Variants in GRAMD1B observed in about 807,000 individuals in gnomAD.
GRAMD1B encodes GRAM domain containing 1B, also known as protein Aster-B.
In GRAMD1B, 37 loss-of-function variants were observed where a neutral mutation model predicts 99.7. The observed-to-expected ratio is 0.37, with a 90% CI of 0.29 to 0.49. GRAMD1B has a LOEUF of 0.49. GRAMD1B is among the 20% of genes least tolerant of loss of function. The pLI, the probability that GRAMD1B is intolerant of heterozygous loss-of-function variation, is 0.98. For missense variants in GRAMD1B, 888 were observed against 1,009.2 expected, an observed-to-expected ratio of 0.88 and a Z score of 1.63; for synonymous variants, 427 against 387.6, an observed-to-expected ratio of 1.10 and a Z score of -1.19.
At chr11:123,358,853 G>A (rs556431702) in intron 1 of GRAMD1B, 25 of 152,562 alleles carry the variant, frequency 1.6e-4, no homozygotes, top group African/African-American at 5.8e-4. Context: ...TGGATGCCGA[G>A]TGATGGTGAG....
At chr11:123,507,430 T>G (rs1591748954) in intron 2 of GRAMD1B, among the ~76,000 whole-genome samples, 1 of 152,336 alleles carries the variant, frequency 6.6e-6, no homozygotes, top group South Asian at 2.1e-4. Context: ...TAAATTCCAC[T>G]ACTCTCATCC....
rs1955425386 is a variant in GRAMD1B at position 123,625,101 on chromosome 11, CA to C, written c.*2510del. Reference sequence around the variant, plus strand: ...ACCAACAACTCTATTCATTCCCAAACAAAATCTCTTCCCCCTTAGTCAATAG... The same window carrying C: ...ACCAACAACTCTATTCATTCCCAAACAAATCTCTTCCCCCTTAGTCAATAG... On this transcript the variant is annotated 3_prime_UTR_variant, in exon 20 of 20. Transcript: ENST00000635736. 1 of 152,208 alleles carries C rather than the reference CA, an allele frequency of 6.6e-6. No homozygotes were observed. The highest frequency in any genetic ancestry group is 2.1e-4 in the South Asian group (1 of 4,834). The allele number at this position is 152,208 out of a possible 1,614,324, so 9.4% of individuals were successfully genotyped here. A position where few individuals can be genotyped will look rare whatever the true frequency, so the allele number is the denominator to read the frequency against.
At chr11:123,529,740 C>A (rs954520889) in intron 2 of GRAMD1B, among the ~76,000 whole-genome samples, 3 of 152,118 alleles carry the variant, frequency 2.0e-5, no homozygotes, top group African/African-American at 7.2e-5. Context: ...CAAAGATAGT[C>A]CTAATTCCTG....
upstream of GRAMD1B, among the ~76,000 whole-genome samples, chr11:123,428,072 A>G (rs1948715021): frequency 6.6e-6 from 1 of 152,124 alleles, no homozygotes; most frequent in African/African-American, 2.4e-5. Context: ...CTTGTGGACC[A>G]TCCTTTTGTG....
chr11:123,445,132 G>A (rs1949579329), intron 1 of GRAMD1B, among the ~76,000 whole-genome samples: 1 of 152,166 alleles, frequency 6.6e-6, no homozygotes, highest in South Asian at 2.1e-4. Context: ...TAAGGAGGAA[G>A]GTACATTTCT....
At chr11:123,469,108 A>T (rs549934758) in intron 1 of GRAMD1B, among the ~76,000 whole-genome samples, 66 of 152,170 alleles carry the variant, frequency 4.3e-4, no homozygotes, top group Middle Eastern at 3.4e-3. Flanking sequence ...GTAGAAAGGC[A>T]AATTAAAAGG....
intron 2 of GRAMD1B, among the ~76,000 whole-genome samples, chr11:123,528,016 G>A (rs1373890799): frequency 1.3e-5 from 2 of 152,188 alleles, no homozygotes; most frequent in Non-Finnish European, 2.9e-5. Context: ...GGAAAATGTT[G>A]TCATTTATCT....
chr11:123,456,374 C>T (rs1026087332), intron 1 of GRAMD1B, among the ~76,000 whole-genome samples: 81 of 151,886 alleles, frequency 5.3e-4, no homozygotes, highest in Non-Finnish European at 2.8e-4. Flanking sequence ...GAAAGAGCCC[C>T]GAGAGTCAGC....
At chr11:123,605,943 T>C (rs972586273) in intron 10 of GRAMD1B, among the ~76,000 whole-genome samples, 1 of 152,204 alleles carries the variant, frequency 6.6e-6, no homozygotes, top group African/African-American at 2.4e-5. Context: ...GCCATAAAAA[T>C]GTGTAAGAGA....
chr11:123,360,500 C>G (rs1946102076), intron 1 of GRAMD1B, among the ~76,000 whole-genome samples: 1 of 152,166 alleles, frequency 6.6e-6, no homozygotes, highest in South Asian at 2.1e-4. Context: ...AGATCCAGGT[C>G]TCAAAAGGGC....
At chr11:123,614,916 C>G (rs1954141465) in intron 17 of GRAMD1B, 81 bp downstream of exon 17, 1 of 747,748 alleles carries the variant, frequency 1.3e-6, no homozygotes, top group Admixed American at 2.2e-5. Context: ...TCTCTTGAAG[C>G]ATCTGAGCAC....
chr11:123,508,747 ATG>A (rs1940690384), intron 2 of GRAMD1B, among the ~76,000 whole-genome samples: 1 of 151,658 alleles, frequency 6.6e-6, no homozygotes, highest in South Asian at 2.1e-4. Context: ...GTGCAATGGC[ATG>A]GTCTTGGCTC....
intron 2 of GRAMD1B, among the ~76,000 whole-genome samples, chr11:123,535,765 A>AG (rs1460476151): frequency 6.6e-6 from 1 of 152,214 alleles, no homozygotes; most frequent in African/African-American, 2.4e-5. Context: ...CGTTCAGTTA[A>AG]GCATTAGAAC....
chr11:123,521,176 G>C (rs1371031244), intron 2 of GRAMD1B, among the ~76,000 whole-genome samples: 1 of 152,182 alleles, frequency 6.6e-6, no homozygotes, highest in Admixed American at 6.5e-5. Context: ...AGTTGAACCA[G>C]TATACACTCC....
Position 123,494,342 on chromosome 11 carries a change from C to T in GRAMD1B, c.452+13449C>T, listed in dbSNP as rs548370442. Among the ~76,000 whole-genome samples, 5 of 152,014 alleles carry T rather than the reference C, an allele frequency of 3.3e-5. No individual in the cohort carries two copies. The South Asian group carries it at 8.3e-4, about 25-fold the overall frequency. On this transcript the variant is annotated intron_variant, in intron 2 of 19. Coordinates refer to ENST00000635736, the MANE Select transcript of GRAMD1B (RefSeq NM_001387025.1). Reference sequence around the variant, plus strand: ...TGTTTTGATCTGTGACCACCTCTCACATGTTCCCCTTTCTCTGATCCACCT... The same window carrying T: ...TGTTTTGATCTGTGACCACCTCTCATATGTTCCCCTTTCTCTGATCCACCT...
At chr11:123,411,239 C>T (rs1053226460) in intron 1 of GRAMD1B, among the ~76,000 whole-genome samples, 1 of 151,958 alleles carries the variant, frequency 6.6e-6, no homozygotes, top group Non-Finnish European at 1.5e-5. Context: ...CTCCTGATCT[C>T]GTGATCCGCC....
At position 123,627,644 on chromosome 11, in the gene GRAMD1B, A is replaced by C. The variant is rs1156272152; in HGVS notation, c.*5049A>C. 2.0e-5 allele frequency: 3 copies of C among 152,302 alleles called. No individual in the cohort carries two copies. Among genetic ancestry groups the C allele is most frequent in the Admixed American group, 6.5e-5 (1 of 15,294 alleles). The allele number at this position is 152,302 out of a possible 1,614,324, so 9.4% of individuals were successfully genotyped here. ...TGTACTTTGCCTGGCGCTGTGCGCA[A>C]GGTCAGAAAACTTACTGCTAGTACC... On this transcript the variant is annotated 3_prime_UTR_variant, in exon 20 of 20. Transcript: ENST00000635736.
At position 123,610,621 on chromosome 11, in the gene GRAMD1B, G is replaced by T. The variant is rs1356641937; in HGVS notation, c.1919+283G>T. Among the ~76,000 whole-genome samples, 1 of 152,184 alleles carries T rather than the reference G, an allele frequency of 6.6e-6. No individual in the cohort carries two copies. Among genetic ancestry groups the T allele is most frequent in the Admixed American group, 6.5e-5 (1 of 15,280 alleles). On this transcript the variant is annotated intron_variant, in intron 14 of 19. Coordinates refer to ENST00000635736, the MANE Select transcript of GRAMD1B (RefSeq NM_001387025.1). This position sits in a 1 kb window ranked among gnomAD's most constrained non-coding sequence, Gnocchi z 4.1. ...GTAGGCGCTTTACCTACATTCACTGGAGTCTTTAGAACGACTCAAAGAGGT... is the reference window on the plus strand; with the variant it reads ...GTAGGCGCTTTACCTACATTCACTGTAGTCTTTAGAACGACTCAAAGAGGT...
chr11:123,367,359 A>G (rs946004426), intron 1 of GRAMD1B, among the ~76,000 whole-genome samples: 4 of 152,240 alleles, frequency 2.6e-5, no homozygotes, highest in Middle Eastern at 3.2e-3. Context: ...AGGTAAGAAC[A>G]AAGTGTCATA....
Sources: gnomAD v4.1 joint callset for allele counts (sites outside exome capture counted in the v4.1 genomes callset) on GRCh38, gnomAD v4.1.1 for gene constraint, Gnocchi (gnomAD v3.1) non-coding constraint, MANE v1.5 for transcripts, NCBI Gene and HGNC (gene_info 2026-07-23, HGNC 2026-07-21) for gene names.